CD74: variants seen among roughly 807,000 people sequenced by gnomAD.
CD74 encodes CD74 molecule.
In CD74, 20 loss-of-function variants were observed where a neutral mutation model predicts 37.1. The ratio of observed to expected loss-of-function variants is 0.54; its 90% CI spans 0.38 to 0.78. CD74 has a LOEUF of 0.78. Among genes scored for constraint, CD74 ranks in the 30% least tolerant of loss-of-function variants. CD74 has a pLI of 0.00. For synonymous variants in CD74, 150 were observed against 152.0 expected (o/e 0.99, Z 0.10); for missense variants, 338 against 389.5 (o/e 0.87, Z 1.11).
chr5:150,412,442 CAA>C (rs1770399055), intron 1 of CD74, among the ~76,000 whole-genome samples, 181 bp downstream of exon 1: 1 of 152,226 alleles, frequency 6.6e-6, no homozygotes, highest in Non-Finnish European at 1.5e-5. Context: ...CCTCATTTGA[CAA>C]GAGAGGGAGC....
rs1340356401 is a variant in CD74 at position 150,401,663 on chromosome 5, A to G, written c.*577T>C. ...GTTCTAATTACTACCTTTTATTCTA[A>G]TGTGAACCATGGCCCTGAAAGCTGA... is the stretch of plus-strand genomic sequence containing the variant. On this transcript the variant is annotated 3_prime_UTR_variant, in exon 9 of 9. Transcript: ENST00000009530. 2.0e-6 allele frequency: 1 copy of G among 504,504 alleles called. No individual in the cohort carries two copies. Among genetic ancestry groups the G allele is most frequent in the East Asian group, 3.3e-5 (1 of 30,282 alleles). 31.3% of individuals were successfully genotyped at this position (504,504 alleles called of 1,614,324 possible). A position where few individuals can be genotyped will look rare whatever the true frequency, so the allele number is the denominator to read the frequency against.
At position 150,407,097 on chromosome 5, in the gene CD74, C is replaced by CT; in HGVS notation, c.298+54dup. ...CAGCTGGGTGCAGGGATGCGGGTCT[C>CT]TGAGTTGAGGGATGGTGGGAGGTGG... On this transcript the variant is annotated intron_variant, in intron 2 of 8. Coordinates refer to ENST00000009530, the MANE Select transcript of CD74 (RefSeq NM_001025159.3). The surrounding 1 kb of genome is among the most constrained non-coding windows in gnomAD (Gnocchi z 4.4). 10 of 1,590,500 alleles carry CT rather than the reference C, an allele frequency of 6.3e-6. No homozygotes were observed. The highest frequency in any genetic ancestry group is 8.6e-6 in the Non-Finnish European group (10 of 1,162,362).
chr5:150,406,327 G>A lies in CD74; in HGVS notation c.379-6C>T. The A allele has an allele frequency of 3.1e-6, 5 of 1,612,942 alleles. No individual in the cohort carries two copies. Among genetic ancestry groups the A allele is most frequent in the Non-Finnish European group, 4.2e-6 (5 of 1,179,078 alleles). On this transcript the variant is annotated splice_region_variant and splice_polypyrimidine_tract_variant and intron_variant, in intron 3 of 8. Coordinates refer to ENST00000009530, the MANE Select transcript of CD74 (RefSeq NM_001025159.3). ...TTGGTGGCATTCTGCATGGGCTGTGGGAGGAAGTAACAGAAGGTTACCAGA... is the reference window on the plus strand; with the variant it reads ...TTGGTGGCATTCTGCATGGGCTGTGAGAGGAAGTAACAGAAGGTTACCAGA...
At chr5:150,405,613 A>G (rs1200631344) in intron 4 of CD74, 1 of 184,058 alleles carries the variant, frequency 5.4e-6, no homozygotes, top group Non-Finnish European at 1.1e-5. Flanking sequence ...TGGGATCCCC[A>G]TGGCTTCAGG....
At position 150,404,748 on chromosome 5, in the gene CD74, T is replaced by G; in HGVS notation, c.557A>C (p.His186Pro). ...IDWKVFESWM[H>P]HWLLFEMSRH... ...GCTCATTTCAAACAGGAGCCAATGG[T>G]GCATCCAGCTCTCAAAGACCTAATA... Residue 186 changes from histidine to proline, a missense_variant, in exon 6 of 9, where the codon CAC (histidine) becomes CCC (proline). Coordinates refer to ENST00000009530, the MANE Select transcript of CD74 (RefSeq NM_001025159.3). 6.3e-7 allele frequency: 1 copy of G among 1,582,410 alleles called. No homozygotes were observed. The highest frequency in any genetic ancestry group is 8.6e-7 in the Non-Finnish European group (1 of 1,163,630).
rs1290620287 is a variant in CD74 at position 150,401,672 on chromosome 5, A to G, written c.*568T>C. ...ACTACCTTTTATTCTAATGTGAACC[A>G]TGGCCCTGAAAGCTGATAACAAGCT... On this transcript the variant is annotated 3_prime_UTR_variant, in exon 9 of 9. Coordinates refer to ENST00000009530, the MANE Select transcript of CD74 (RefSeq NM_001025159.3). The G allele has an allele frequency of 7.6e-6, 4 of 523,998 alleles. No individual in the cohort carries two copies. The highest frequency in any genetic ancestry group is 3.2e-5 in the East Asian group (1 of 31,578). 32.5% of individuals were successfully genotyped at this position (523,998 alleles called of 1,614,324 possible). A position where few individuals can be genotyped will look rare whatever the true frequency, so the allele number is the denominator to read the frequency against.
In CD74 at chr5:150,403,001, T is replaced by G. The variant is rs1769730070; in HGVS notation, c.817+120A>C. ...AGGGCTGGACGCATGACTACGTCAC[T>G]GCCCCCAGGAGCTGCCATCCTGGGT... On this transcript the variant is annotated intron_variant, in intron 7 of 8. Coordinates refer to ENST00000009530, the MANE Select transcript of CD74 (RefSeq NM_001025159.3). The surrounding 1 kb of genome is among the most constrained non-coding windows in gnomAD (Gnocchi z 4.5). 2.6e-6 allele frequency: 2 copies of G among 769,882 alleles called. No homozygotes were observed. The highest frequency in any genetic ancestry group is 1.7e-5 in the African/African-American group (1 of 57,704). 47.7% of individuals were successfully genotyped at this position (769,882 alleles called of 1,614,324 possible).
At chr5:150,409,704 C>CAAAAAA (rs755621804) in intron 1 of CD74, among the ~76,000 whole-genome samples, 33 of 89,352 alleles carry the variant, frequency 3.7e-4, no homozygotes, top group Non-Finnish European at 4.3e-4. Context: ...AAAAACATAA[C>CAAAAAA]AAAAAAAAAA....
chr5:150,412,815 A>T lies in CD74; in HGVS notation c.-66T>A. The stretch of plus-strand genomic sequence containing the variant: ...CTGGAGAGGAATCTGATTCGTCCAC[A>T]GAAGGCCACTCCGCCCACTTGGTAG... On this transcript the variant is annotated 5_prime_UTR_variant, in exon 1 of 9. Coordinates refer to ENST00000009530, the MANE Select transcript of CD74 (RefSeq NM_001025159.3). 1 of 1,603,100 alleles carries T rather than the reference A, an allele frequency of 6.2e-7. No individual in the cohort carries two copies. The highest frequency in any genetic ancestry group is 1.1e-5 in the South Asian group (1 of 90,492).
Position 150,407,171 on chromosome 5 carries a change from C to T in CD74, c.279G>A (p.Leu93=). Residue 93 remains leucine (L), a synonymous_variant, in exon 2 of 9, where the codon CTG becomes CTA. Transcript: ENST00000009530. This position sits in a 1 kb window ranked among gnomAD's most constrained non-coding sequence, Gnocchi z 4.4. ...ACGCACGCTTGGGAAGCTTCATGCG[C>T]AGGTTCTCCAGCTGCAGGTTCTGGG... ...VTSQNLQLEN[L]RMKLPKPPKP... The T allele has an allele frequency of 6.2e-7, 1 of 1,613,854 alleles. No individual in the cohort carries two copies. The highest frequency in any genetic ancestry group is 1.3e-5 in the African/African-American group (1 of 74,994).
rs544982678 is a variant in CD74 at position 150,403,871 on chromosome 5, T to A, written c.626-559A>T. Among the ~76,000 whole-genome samples the A allele has an allele frequency of 3.3e-5, 5 of 152,030 alleles. No homozygotes were observed. The highest frequency in any genetic ancestry group is 9.6e-5 in the African/African-American group (4 of 41,474). On this transcript the variant is annotated intron_variant, in intron 6 of 8. Coordinates refer to ENST00000009530, the MANE Select transcript of CD74 (RefSeq NM_001025159.3). The surrounding 1 kb of genome is among the most constrained non-coding windows in gnomAD (Gnocchi z 4.5). ...CAGACTCTATCTCAAAAACAAACAATCAAACAAAAAAACACCATTACAGTT... is the reference window on the plus strand; with the variant it reads ...CAGACTCTATCTCAAAAACAAACAAACAAACAAAAAAACACCATTACAGTT...
At chr5:150,406,665 G>C (rs1259623708) in intron 3 of CD74, 1 of 587,962 alleles carries the variant, frequency 1.7e-6, no homozygotes, top group Non-Finnish European at 3.1e-6. Context: ...AAACTGTAGA[G>C]GGCTGAGCCT....
intron 3 of CD74, 52 bp from the exon 4 acceptor site, chr5:150,406,373 G>T (rs1180768708): frequency 6.9e-7 from 1 of 1,439,536 alleles, no homozygotes; most frequent in Non-Finnish European, 9.8e-7. Context: ...GGAGCAGGGG[G>T]TATGGAGCAG....
intron 3 of CD74, 29 bp downstream of exon 3, chr5:150,406,852 C>G: frequency 7.1e-7 from 1 of 1,416,748 alleles, no homozygotes; most frequent in Non-Finnish European, 9.4e-7. Context: ...ATAACCTTGC[C>G]CCTCCCACCA....
chr5:150,402,104 A>G lies in CD74; in HGVS notation c.*136T>C, dbSNP rs1769652741. On this transcript the variant is annotated 3_prime_UTR_variant, in exon 9 of 9. Coordinates refer to ENST00000009530, the MANE Select transcript of CD74 (RefSeq NM_001025159.3). This position sits in a 1 kb window ranked among gnomAD's most constrained non-coding sequence, Gnocchi z 4.2. ...ACTTGGTTTGTCTTGTCCAAGGGTG[A>G]CGAAAGAGCCAGGCACCAGGGTCTC... 1 of 1,545,792 alleles carries G rather than the reference A, an allele frequency of 6.5e-7. No individual in the cohort carries two copies. The highest frequency in any genetic ancestry group is 2.0e-5 in the Admixed American group (1 of 50,974).
At chr5:150,412,594 C>T (rs777177244) in intron 1 of CD74, 31 bp downstream of exon 1, 2 of 1,502,356 alleles carry the variant, frequency 1.3e-6, no homozygotes, top group South Asian at 1.1e-5. Flanking sequence ...AGTCCAGGAT[C>T]GGTGTGCCCT....
At chr5:150,406,196 G>T in intron 4 of CD74, 63 bp downstream of exon 4, 2 of 1,266,250 alleles carry the variant, frequency 1.6e-6, no homozygotes, top group Non-Finnish European at 2.3e-6. Context: ...AGGCCTTGGA[G>T]CTTGGCCCGG....
chr5:150,402,056 C>T lies in CD74; in HGVS notation c.*184G>A, dbSNP rs1005024520. 4 of 1,538,102 alleles carry T rather than the reference C, an allele frequency of 2.6e-6. No individual in the cohort carries two copies. The highest frequency in any genetic ancestry group is 2.6e-6 in the Non-Finnish European group (3 of 1,146,856). ...ATGGAGATTGGGCAGCAGGGCCTTG[C>T]TGCATTGTTATCTGCTGTTCCGACT... On this transcript the variant is annotated 3_prime_UTR_variant, in exon 9 of 9. Coordinates refer to ENST00000009530, the MANE Select transcript of CD74 (RefSeq NM_001025159.3). This position sits in a 1 kb window ranked among gnomAD's most constrained non-coding sequence, Gnocchi z 4.2.
intron 1 of CD74, among the ~76,000 whole-genome samples, 176 bp downstream of exon 1, chr5:150,412,449 G>T (rs1013684541): frequency 6.6e-6 from 1 of 152,236 alleles, no homozygotes; most frequent in African/African-American, 2.4e-5. Flanking sequence ...TGACAAGAGA[G>T]GGAGCCGGAG....
Sources: gnomAD v4.1 joint callset for allele counts (sites outside exome capture counted in the v4.1 genomes callset) on GRCh38, gnomAD v4.1.1 for gene constraint, Gnocchi (gnomAD v3.1) non-coding constraint, MANE v1.5 for transcripts, NCBI Gene and HGNC (gene_info 2026-07-23, HGNC 2026-07-21) for gene names.